The following ASH1L variants were observed in gnomAD, a reference collection of about 807,000 sequenced individuals.
ASH1L encodes ASH1 like histone lysine methyltransferase, also known as histone-lysine N-methyltransferase ASH1L.
Under a neutral mutation model 269.0 loss-of-function variants are expected in ASH1L, and 23 were observed. That is an observed-to-expected ratio of 0.09 (90% CI 0.06 to 0.12). ASH1L has a LOEUF of 0.12. ASH1L is among the 10% of genes least tolerant of loss of function. The probability of loss-of-function intolerance (pLI) is 1.00; values close to 1 mark genes in which losing one functional copy is unlikely to be tolerated. For synonymous variants in ASH1L, 1,187 were observed against 1,253.5 expected (o/e 0.95, Z 1.12); for missense variants, 2,912 against 3,567.8 (o/e 0.82, Z 4.68).
chr1:155,458,717 AAACCAACCAACCAACCAACCAACC>A (rs373281175), intron 4 of ASH1L, among the ~76,000 whole-genome samples: 3 of 150,650 alleles, frequency 2.0e-5, no homozygotes, highest in African/African-American at 7.4e-5. Context: ...ACTCATCTCA[AAACCAACCAACCAACCAACCAACC>A]AACCAACCAA....
intron 3 of ASH1L, among the ~76,000 whole-genome samples, chr1:155,469,303 C>T (rs745845362): frequency 2.2e-4 from 34 of 152,134 alleles, no homozygotes; most frequent in Non-Finnish European, 4.4e-4. Flanking sequence ...CTGCCTCAGC[C>T]TCCTGAATAG....
At chr1:155,412,465 T>C (rs1432420327) in intron 6 of ASH1L, among the ~76,000 whole-genome samples, 1 of 152,044 alleles carries the variant, frequency 6.6e-6, no homozygotes, top group Non-Finnish European at 1.5e-5. Flanking sequence ...TTCAGAGAGT[T>C]TCTGGATAGC....
intron 3 of ASH1L, among the ~76,000 whole-genome samples, chr1:155,464,007 T>C (rs919643599): frequency 6.6e-6 from 1 of 152,176 alleles, no homozygotes; most frequent in African/African-American, 2.4e-5. Context: ...CTCTTCGCCA[T>C]AGCTTTTGCA....
At chr1:155,339,197 C>CT in intron 26 of ASH1L, 131 bp downstream of exon 26, 1 of 759,868 alleles carries the variant, frequency 1.3e-6, no homozygotes, top group Non-Finnish European at 2.2e-6. Flanking sequence ...AGTGCTGGCA[C>CT]TACACTGGGC....
At position 155,349,568 on chromosome 1, in the gene ASH1L, T is replaced by C. The variant is rs776542874; in HGVS notation, c.7395A>G (p.Pro2465=). 6.8e-6 allele frequency: 11 copies of C among 1,613,908 alleles called. No individual in the cohort carries two copies. The Admixed American group carries it at 8.3e-5, about 12-fold the overall frequency. Residue 2465 remains proline (P), a synonymous_variant, in exon 18 of 28, where the codon CCA becomes CCG. Transcript: ENST00000392403. The part of the protein sequence containing the change: ...KDSSRQALAA[P]LLNLPPKKKN... ...TTTTCTTTGGGGGAAGGTTCAAAAG[T>C]GGAGCTGCCAGTGCTTGCCGGGAAG... is the stretch of plus-strand genomic sequence containing the variant.
intron 1 of ASH1L, among the ~76,000 whole-genome samples, chr1:155,535,668 T>C (rs1161183991): frequency 6.7e-6 from 1 of 148,826 alleles, no homozygotes; most frequent in African/African-American, 2.5e-5. Flanking sequence ...AAAAAAAGTA[T>C]AAATTAGCGA....
chr1:155,490,640 A>G (rs1666705978), intron 2 of ASH1L, among the ~76,000 whole-genome samples: 1 of 150,624 alleles, frequency 6.6e-6, no homozygotes, highest in African/African-American at 2.5e-5. Context: ...ACACACACAC[A>G]CACATACACA....
chr1:155,370,867 T>C lies in ASH1L; in HGVS notation c.6449A>G (p.Lys2150Arg). 1 of 1,614,154 alleles carries C rather than the reference T, an allele frequency of 6.2e-7. No homozygotes were observed. Among genetic ancestry groups the C allele is most frequent in the Non-Finnish European group, 8.5e-7 (1 of 1,180,028 alleles). Reference sequence around the variant, plus strand: ...CTCTTTGGTTCTGATTCCCCAACCTTTTTCCTCAGCTCGAAATCGTTCTAG... The same window carrying C: ...CTCTTTGGTTCTGATTCCCCAACCTCTTTCCTCAGCTCGAAATCGTTCTAG... ...QCLERFRAEE[K>R]GWGIRTKEPL... The change falls in exon 11 of 28, where the codon AAA becomes AGA. Residue 2150 changes from lysine (K) to arginine (R), a missense_variant. Lys to Arg is a conservative substitution (Grantham distance 26). This residue lies in a region of ASH1L where 193 missense variants were observed against 311.6 expected (regional missense o/e 0.62). Transcript: ENST00000392403.
rs369784992 is a variant in ASH1L, at chr1:155,372,000, A to C, written c.6333-1017T>G. On this transcript the variant is annotated intron_variant, in intron 10 of 27. Coordinates refer to ENST00000392403, the MANE Select transcript of ASH1L (RefSeq NM_018489.3). ...TGTGAACCACTGCACCCGGCCGCTA[A>C]TTTACTCTTATTTATTTTTTTGAGA... 1.4e-3 allele frequency among the ~76,000 whole-genome samples: 207 copies of C among 148,824 alleles called. 1 individual carries two copies. Among genetic ancestry groups the C allele is most frequent in the African/African-American group, 5.0e-3 (199 of 40,166 alleles).
chr1:155,540,469 CA>C lies in ASH1L; in HGVS notation c.-99-18852del, dbSNP rs1027825436. ...CAGAGCAAGAGCAAATAACCACCAC[CA>C]AAAAAAAGCAAGCACTCAGCTGGGT... On this transcript the variant is annotated intron_variant, in intron 1 of 27. Transcript: ENST00000392403. Among the ~76,000 whole-genome samples the C allele has an allele frequency of 1.2e-3, 188 of 151,804 alleles. 1 individual carries two copies. The highest frequency in any genetic ancestry group is 4.3e-3 in the African/African-American group (179 of 41,442).
intron 7 of ASH1L, among the ~76,000 whole-genome samples, chr1:155,388,360 C>T (rs1223979761): frequency 1.3e-5 from 2 of 151,736 alleles, no homozygotes; most frequent in Non-Finnish European, 2.9e-5. Context: ...GGTGCAATCT[C>T]AGCTCATTGC....
At chr1:155,453,555 T>C (rs1301628646) in intron 4 of ASH1L, among the ~76,000 whole-genome samples, 1 of 152,164 alleles carries the variant, frequency 6.6e-6, no homozygotes, top group Non-Finnish European at 1.5e-5. Flanking sequence ...ATCTCAGCAC[T>C]TTGGGAAGCC....
intron 3 of ASH1L, among the ~76,000 whole-genome samples, chr1:155,473,384 C>T (rs959353394): frequency 6.6e-6 from 1 of 152,178 alleles, no homozygotes; most frequent in Non-Finnish European, 1.5e-5. Flanking sequence ...CTACCAATGA[C>T]ATCCTTCTGT....
intron 7 of ASH1L, among the ~76,000 whole-genome samples, chr1:155,386,564 T>C (rs1657447777): frequency 6.7e-6 from 1 of 149,934 alleles, no homozygotes; most frequent in Non-Finnish European, 1.5e-5. Context: ...TTTTTCTATT[T>C]TTTTTTTTTA....
chr1:155,366,344 C>T (rs1432458530), intron 12 of ASH1L, among the ~76,000 whole-genome samples: 1 of 152,140 alleles, frequency 6.6e-6, no homozygotes, highest in Non-Finnish European at 1.5e-5. Flanking sequence ...CACCACTTTC[C>T]CAGAAAACTC....
chr1:155,510,205 G>A (rs1571020318), intron 2 of ASH1L, among the ~76,000 whole-genome samples: 1 of 152,004 alleles, frequency 6.6e-6, no homozygotes, highest in African/African-American at 2.4e-5. Flanking sequence ...CACAAGGTCA[G>A]GAGTTCGAGA....
chr1:155,391,528 A>G (rs1657925584), intron 7 of ASH1L, among the ~76,000 whole-genome samples: 1 of 152,190 alleles, frequency 6.6e-6, no homozygotes, highest in South Asian at 2.1e-4. Flanking sequence ...GGAAATTGTC[A>G]GTGTTGACTG....
intron 6 of ASH1L, among the ~76,000 whole-genome samples, chr1:155,405,829 CAA>C (rs201440660): frequency 6.8e-4 from 52 of 77,014 alleles, no homozygotes; most frequent in Non-Finnish European, 7.4e-4. Flanking sequence ...TTCTCTGTGT[CAA>C]AAAAAAAAAA....
Position 155,360,417 on chromosome 1 carries a change from G to A in ASH1L, c.6687-8C>T, listed in dbSNP as rs1181293924. 1.3e-6 allele frequency: 2 copies of A among 1,561,528 alleles called. No homozygotes were observed. The highest frequency in any genetic ancestry group is 1.4e-5 in the African/African-American group (1 of 73,600). ...TATACTCCATTAACAGACCTGTAAA[G>A]AGAGAAAACAGAGTTATAAAGGCTG... On this transcript the variant is annotated splice_polypyrimidine_tract_variant and splice_region_variant and intron_variant, in intron 12 of 27. Transcript: ENST00000392403.
Sources: allele counts gnomAD v4.1 joint callset (sites outside exome capture counted in the v4.1 genomes callset), GRCh38; gene constraint gnomAD v4.1.1; regional missense constraint gnomAD v4.1.1; transcripts MANE v1.5; gene names NCBI Gene and HGNC (gene_info 2026-07-23, HGNC 2026-07-21).